DIP2C: variants seen among roughly 807,000 people sequenced by gnomAD.
DIP2C encodes DIP2 acetate--CoA ligase C (putative), also known as disco-interacting protein 2 homolog C.
In DIP2C, 33 loss-of-function variants were observed where a neutral mutation model predicts 192.4. That is an observed-to-expected ratio of 0.17 (90% CI 0.13 to 0.23). The LOEUF is 0.23. DIP2C is among the 10% of genes least tolerant of loss of function. The probability of loss-of-function intolerance (pLI) is 1.00; values close to 1 mark genes in which losing one functional copy is unlikely to be tolerated. For missense variants in DIP2C, 1,537 were observed against 2,110.1 expected (o/e 0.73, Z 5.32); for synonymous variants, 979 against 864.1 (o/e 1.13, Z -2.33).
At chr10:679,229 G>T (rs115961763) in intron 1 of DIP2C, among the ~76,000 whole-genome samples, 1 of 896 alleles carries the variant, frequency 1.1e-3, no homozygotes, top group African/African-American at 1.4e-3. Context: ...CCCACACCCA[G>T]GCTCCCCGCG....
intron 1 of DIP2C, among the ~76,000 whole-genome samples, chr10:604,058 C>A (rs970677055): frequency 1.3e-5 from 2 of 149,098 alleles, no homozygotes; most frequent in South Asian, 2.2e-4. Context: ...CCCCCTCTGG[C>A]CTCTACCTCA....
At chr10:359,119 G>C (rs1158693187) in intron 22 of DIP2C, among the ~76,000 whole-genome samples, 1 of 152,164 alleles carries the variant, frequency 6.6e-6, no homozygotes, top group Non-Finnish European at 1.5e-5. Flanking sequence ...TGACGGGGCA[G>C]TGGCACAGAA....
At chr10:604,674 C>A (rs1232778232) in intron 1 of DIP2C, among the ~76,000 whole-genome samples, 1 of 152,204 alleles carries the variant, frequency 6.6e-6, no homozygotes, top group Admixed American at 6.5e-5. Context: ...CCAAAAAGTT[C>A]TCTAATTAAA....
chr10:557,656 A>G (rs1212973310), intron 1 of DIP2C, among the ~76,000 whole-genome samples: 4 of 91,314 alleles, frequency 4.4e-5, no homozygotes, highest in Admixed American at 1.2e-4. Flanking sequence ...GTGAGTGCAC[A>G]GGCACATACA....
At chr10:367,531 T>C (rs1394355397) in intron 18 of DIP2C, among the ~76,000 whole-genome samples, 1 of 152,202 alleles carries the variant, frequency 6.6e-6, no homozygotes, top group Non-Finnish European at 1.5e-5. Context: ...AAAGAAGTGC[T>C]GCTGCTTACC....
In DIP2C at chr10:394,641, C is replaced by T. The variant is rs113807582; in HGVS notation, c.1261-3778G>A. On this transcript the variant is annotated intron_variant, in intron 10 of 36. Transcript: ENST00000280886. ...TATGCTGAACAGGAAGGACATTATG[C>T]CACACAGTGGGCGCTATTCAGCCTT... Among the ~76,000 whole-genome samples, 9 of 114,122 alleles carry T rather than the reference C, an allele frequency of 7.9e-5. No individual in the cohort carries two copies. The South Asian group carries it at 1.6e-3, about 20-fold the overall frequency. 74.9% of individuals were successfully genotyped at this position (114,122 alleles called of 152,430 possible). A position where few individuals can be genotyped will look rare whatever the true frequency, so the allele number is the denominator to read the frequency against.
At chr10:330,731 C>T (rs1957468625) in intron 29 of DIP2C, among the ~76,000 whole-genome samples, 1 of 150,470 alleles carries the variant, frequency 6.6e-6, no homozygotes. Context: ...CTCTCTTGTT[C>T]CTGCTGTGGC....
intron 1 of DIP2C, chr10:650,537 A>G: frequency 4.5e-6 from 3 of 659,446 alleles, no homozygotes; most frequent in Non-Finnish European, 8.3e-6. Context: ...CCCCCATGAC[A>G]GCCGTGTCCC....
Position 369,496 on chromosome 10 carries a change from C to T in DIP2C, c.2129G>A (p.Gly710Glu). 6.5e-7 allele frequency: 1 copy of T among 1,545,726 alleles called. No homozygotes were observed. Among genetic ancestry groups the T allele is most frequent in the Non-Finnish European group, 8.7e-7 (1 of 1,142,976 alleles). ...TGCAGCTCGCGACCCACACTCACCTCCAGGCATCACGAGGCCGACATCCTG... is the reference window on the plus strand; with the variant it reads ...TGCAGCTCGCGACCCACACTCACCTTCAGGCATCACGAGGCCGACATCCTG... ...TVQDVGLVMP[G>E]AIMCSVKPDG... The change falls in exon 18 of 37, where the codon GGA (glycine) becomes GAA (glutamate). Residue 710 changes from glycine to glutamate, a missense_variant and splice_region_variant. Transcript: ENST00000280886.
At chr10:481,382 C>T (rs771279307) in intron 2 of DIP2C, among the ~76,000 whole-genome samples, 1 of 152,196 alleles carries the variant, frequency 6.6e-6, no homozygotes, top group African/African-American at 2.4e-5. Flanking sequence ...GAATCTGCAA[C>T]GGGACCTCAG....
intron 1 of DIP2C, among the ~76,000 whole-genome samples, chr10:655,003 G>A (rs1856191546): frequency 6.6e-6 from 1 of 152,164 alleles, no homozygotes; most frequent in African/African-American, 2.4e-5. Flanking sequence ...TAAGCGAAGG[G>A]TCCCAGACAG....
At chr10:587,171 T>C (rs111919517) in intron 1 of DIP2C, among the ~76,000 whole-genome samples, 786 of 73,538 alleles carry the variant, frequency 0.011, no homozygotes, top group Middle Eastern at 0.032. Context: ...CTGCTGACAG[T>C]GTGGCGAGGG....
intron 1 of DIP2C, among the ~76,000 whole-genome samples, chr10:599,061 A>G (rs1233697110): frequency 6.6e-6 from 1 of 152,228 alleles, no homozygotes; most frequent in Non-Finnish European, 1.5e-5. Context: ...TAAGTGAAGG[A>G]GTCAGTCCCT....
chr10:440,956 G>A lies in DIP2C; in HGVS notation c.309C>T (p.His103=), dbSNP rs1333509572. ...TEAVQAALAK[H]KERKMAVPMP... ...TAGGCACTGCCATCTTCCGCTCTTT[G>A]TGTTTGGCCAGAGCCGCCTGGACAG... Residue 103 remains histidine, a synonymous_variant, in exon 4 of 37, where the codon CAC becomes CAT. Coordinates refer to ENST00000280886, the MANE Select transcript of DIP2C (RefSeq NM_014974.3). 3.1e-6 allele frequency: 5 copies of A among 1,613,772 alleles called. No homozygotes were observed. The highest frequency in any genetic ancestry group is 1.7e-6 in the Non-Finnish European group (2 of 1,180,030).
intron 3 of DIP2C, among the ~76,000 whole-genome samples, chr10:447,456 A>G (rs1968343961): frequency 6.7e-6 from 1 of 149,892 alleles, no homozygotes; most frequent in African/African-American, 2.5e-5. Context: ...GTGGGGCAGC[A>G]GGACCCGCTC....
intron 1 of DIP2C, among the ~76,000 whole-genome samples, chr10:571,860 G>A (rs1425587754): frequency 6.6e-6 from 1 of 152,202 alleles, no homozygotes; most frequent in Non-Finnish European, 1.5e-5. Flanking sequence ...AAGGCCCAGG[G>A]CAGTAGGGAG....
chr10:658,320 GCTGGACCTGACA>G (rs1277750479), intron 1 of DIP2C, among the ~76,000 whole-genome samples: 4 of 121,786 alleles, frequency 3.3e-5, no homozygotes, highest in Non-Finnish European at 5.3e-5. Flanking sequence ...TGGACCTGAT[GCTGGACCTGACA>G]CTGGACCTGC....
At chr10:321,531 G>A (rs1371687672) in intron 31 of DIP2C, among the ~76,000 whole-genome samples, 1 of 72,482 alleles carries the variant, frequency 1.4e-5, no homozygotes, top group Non-Finnish European at 3.0e-5. Context: ...GAAGGCCTGC[G>A]GGGGCTCCAG....
At chr10:682,143 C>A (rs1235214262) in intron 1 of DIP2C, among the ~76,000 whole-genome samples, 1 of 152,236 alleles carries the variant, frequency 6.6e-6, no homozygotes, top group Non-Finnish European at 1.5e-5. Context: ...GCAACCAGCT[C>A]TTCCCAGAGC....
Sources: allele counts gnomAD v4.1 joint callset (sites outside exome capture counted in the v4.1 genomes callset), GRCh38; gene constraint gnomAD v4.1.1; transcripts MANE v1.5; gene names NCBI Gene and HGNC (gene_info 2026-07-23, HGNC 2026-07-21).